The following RFFL variants were observed in gnomAD, a reference collection of about 807,000 sequenced individuals.
RFFL encodes ring finger and FYVE like domain containing E3 ubiquitin protein ligase, also known as E3 ubiquitin-protein ligase rififylin.
A neutral mutation model predicts 40.4 loss-of-function variants in RFFL; 16 were observed. The ratio of observed to expected loss-of-function variants is 0.40; its 90% CI spans 0.27 to 0.60. RFFL has a LOEUF of 0.60. Among genes scored for constraint, RFFL ranks in the 20% least tolerant of loss-of-function variants. The pLI is 0.47. For synonymous variants in RFFL, 154 were observed against 167.9 expected, an observed-to-expected ratio of 0.92 and a Z score of 0.64; for missense variants, 367 against 451.7, an observed-to-expected ratio of 0.81 and a Z score of 1.70.
intron 1 of RFFL, among the ~76,000 whole-genome samples, chr17:35,049,183 T>C (rs1241552550): frequency 6.6e-6 from 1 of 152,190 alleles, no homozygotes; most frequent in Non-Finnish European, 1.5e-5. Context: ...TTCTCACTGC[T>C]TTCACACACA....
chr17:35,014,628 C>T (rs898223927), intron 6 of RFFL, 112 bp downstream of exon 6: 9 of 1,032,648 alleles, frequency 8.7e-6, no homozygotes, highest in Admixed American at 7.0e-5. Flanking sequence ...CACACACCCT[C>T]TCTCTGGGGG....
At chr17:35,055,108 C>G (rs1009312586) in intron 1 of RFFL, among the ~76,000 whole-genome samples, 2 of 151,890 alleles carry the variant, frequency 1.3e-5, no homozygotes, top group Admixed American at 6.6e-5. Context: ...TTAGTAGACA[C>G]GGGGTTTCAC....
intron 1 of RFFL, among the ~76,000 whole-genome samples, chr17:35,044,648 T>C (rs747310059): frequency 6.6e-6 from 1 of 152,158 alleles, no homozygotes; most frequent in African/African-American, 2.4e-5. Flanking sequence ...ACTGGGTAAC[T>C]AGTAAATAAT....
rs1409512068 is a variant in RFFL, at chr17:35,011,177, T to C, written c.*791A>G. On this transcript the variant is annotated 3_prime_UTR_variant, in exon 7 of 7. Coordinates refer to ENST00000394597, the MANE Select transcript of RFFL (RefSeq NM_001017368.2). ...CCGCATAAACTAAGGATGGTGCAAA[T>C]CAGGTCCCAAGAGAAGCAGCAGCAG... The C allele has an allele frequency of 6.6e-6, 1 of 152,130 alleles. No homozygotes were observed. The highest frequency in any genetic ancestry group is 1.5e-5 in the Non-Finnish European group (1 of 68,032). The allele number at this position is 152,130 out of a possible 1,614,324, so 9.4% of individuals were successfully genotyped here. A position where few individuals can be genotyped will look rare whatever the true frequency, so the allele number is the denominator to read the frequency against.
At chr17:35,062,326 C>T (rs2091296796) in intron 1 of RFFL, among the ~76,000 whole-genome samples, 1 of 151,900 alleles carries the variant, frequency 6.6e-6, no homozygotes, top group African/African-American at 2.4e-5. Flanking sequence ...TCGCTTGAAC[C>T]AGGAAGGCAG....
At position 35,014,778 on chromosome 17, in the gene RFFL, G is replaced by A. The variant is rs757170748; in HGVS notation, c.887-15C>T. 1.2e-6 allele frequency: 2 copies of A among 1,612,288 alleles called. No individual in the cohort carries two copies. Among genetic ancestry groups the A allele is most frequent in the African/African-American group, 2.7e-5 (2 of 74,894 alleles). The stretch of plus-strand genomic sequence containing the variant: ...GGCACCACTGACTGAAAAGGAAAGA[G>A]AAGGATGTCTGAATAGGTAAGGCAT... On this transcript the variant is annotated splice_polypyrimidine_tract_variant and intron_variant, in intron 5 of 6. Transcript: ENST00000394597.
intron 6 of RFFL, among the ~76,000 whole-genome samples, chr17:35,013,530 A>G (rs1166764357): frequency 6.6e-6 from 1 of 152,182 alleles, no homozygotes; most frequent in Non-Finnish European, 1.5e-5. Context: ...CCATAGAGGA[A>G]TTCTCCCTTA....
intron 5 of RFFL, 43 bp downstream of exon 5, chr17:35,016,327 C>T (rs748498931): frequency 6.4e-7 from 1 of 1,565,422 alleles, no homozygotes; most frequent in Non-Finnish European, 8.8e-7. Context: ...TGACAGCAAA[C>T]ACTCCTGAGC....
rs769536730 is a variant in RFFL at position 35,026,433 on chromosome 17, T to C, written c.121A>G (p.Thr41Ala). 22 of 1,613,770 alleles carry C rather than the reference T, an allele frequency of 1.4e-5. No individual in the cohort carries two copies. Among genetic ancestry groups the C allele is most frequent in the Non-Finnish European group, 1.9e-5 (22 of 1,179,888 alleles). ...GACTTGCAGCTTGGTTCCAAGCCTG[T>C]TGGGGAAGGGAAGGAGCTGTACCCA... ...NPGYSSFPSPTGLEPSCKSCG... is the reference protein window; with the variant it reads ...NPGYSSFPSPAGLEPSCKSCG... The change falls in exon 2 of 7, where the codon ACA (threonine) becomes GCA (alanine). Residue 41 changes from threonine to alanine, a missense_variant. By Grantham distance (58) the Thr-to-Ala change is moderately conservative. Transcript: ENST00000394597.
intron 5 of RFFL, among the ~76,000 whole-genome samples, chr17:35,014,965 C>CT (rs1555559745): frequency 1.3e-5 from 2 of 152,104 alleles, no homozygotes; most frequent in Non-Finnish European, 2.9e-5. Flanking sequence ...ATCTGGTCTA[C>CT]TTTTATTTTT....
intron 1 of RFFL, among the ~76,000 whole-genome samples, chr17:35,032,704 C>T (rs1049333276): frequency 1.3e-5 from 2 of 151,744 alleles, no homozygotes; most frequent in Admixed American, 1.3e-4. Context: ...AGAGTGGGGC[C>T]GGAGGCTGAT....
chr17:35,012,244 A>G (rs2090945532), intron 6 of RFFL, 95 bp from the exon 7 acceptor site: 1 of 1,038,312 alleles, frequency 9.6e-7, no homozygotes, highest in African/African-American at 1.6e-5. Flanking sequence ...GTGGGAGATA[A>G]CAGGTACATT....
intron 1 of RFFL, among the ~76,000 whole-genome samples, chr17:35,034,864 G>A (rs2091110461): frequency 6.6e-6 from 1 of 152,082 alleles, no homozygotes; most frequent in South Asian, 2.1e-4. Context: ...TATATTGTGG[G>A]TACTGGAAAC....
intron 2 of RFFL, among the ~76,000 whole-genome samples, chr17:35,023,221 A>C (rs912014546): frequency 6.6e-6 from 1 of 152,258 alleles, no homozygotes; most frequent in Non-Finnish European, 1.5e-5. Context: ...TATTCAAGCT[A>C]AAAAAGAAAG....
At chr17:35,034,192 G>T (rs767107197) in intron 1 of RFFL, among the ~76,000 whole-genome samples, 6 of 151,678 alleles carry the variant, frequency 4.0e-5, no homozygotes, top group Non-Finnish European at 7.4e-5. Context: ...ATAATTAGCT[G>T]GGCATGGTGG....
intron 1 of RFFL, among the ~76,000 whole-genome samples, chr17:35,026,867 G>A (rs751648189): frequency 3.9e-5 from 6 of 151,940 alleles, no homozygotes; most frequent in Non-Finnish European, 5.9e-5. Context: ...CATCACGCCC[G>A]GCTTTTTTGT....
chr17:35,085,969 A>C (rs1364007680), intron 1 of RFFL, among the ~76,000 whole-genome samples: 1 of 152,242 alleles, frequency 6.6e-6, no homozygotes, highest in African/African-American at 2.4e-5. Context: ...TCCTGATGGC[A>C]GCTGTTAAAT....
intron 1 of RFFL, among the ~76,000 whole-genome samples, chr17:35,030,626 G>C (rs2091076855): frequency 6.6e-6 from 1 of 151,716 alleles, no homozygotes; most frequent in South Asian, 2.1e-4. Flanking sequence ...GTAGAGACTG[G>C]GTTTTGTCAT....
chr17:35,069,436 G>T (rs2091336105), intron 1 of RFFL: 1 of 430,544 alleles, frequency 2.3e-6, no homozygotes, highest in African/African-American at 2.0e-5. Flanking sequence ...GAAATAAAAG[G>T]ATACGACTGC....
Sources: gnomAD v4.1 joint callset for allele counts (sites outside exome capture counted in the v4.1 genomes callset) on GRCh38, gnomAD v4.1.1 for gene constraint, MANE v1.5 for transcripts, NCBI Gene and HGNC (gene_info 2026-07-23, HGNC 2026-07-21) for gene names.